The following HS6ST2 variants were observed in gnomAD, a reference collection of about 807,000 sequenced individuals.
The protein encoded by HS6ST2 is heparan sulfate 6-O-sulfotransferase 2.
HS6ST2 carries 17 observed loss-of-function variants against 33.0 expected under a neutral mutation model. The ratio of observed to expected loss-of-function variants is 0.52; its 90% confidence interval spans 0.35 to 0.77. HS6ST2 has a LOEUF of 0.77. HS6ST2 is among the 30% of genes least tolerant of loss of function. The pLI is 0.01. For synonymous variants in HS6ST2, 248 were observed against 237.1 expected (o/e 1.05, Z -0.42); for missense variants, 519 against 551.7 (o/e 0.94, Z 0.59).
intron 2 of HS6ST2, among the ~76,000 whole-genome samples, chrX:132,859,216 T>C (rs766211115): frequency 3.6e-5 from 4 of 111,770 alleles, no homozygotes; most frequent in Non-Finnish European, 5.6e-5. Context: ...GCTACCCATG[T>C]AGCTATCTCC....
chrX:132,848,273 C>T (rs1174166396), intron 2 of HS6ST2, among the ~76,000 whole-genome samples: 2 of 112,060 alleles, frequency 1.8e-5, no homozygotes, highest in African/African-American at 3.2e-5. Flanking sequence ...TAAGGAAGCA[C>T]CATCCAACCT....
rs1261438823 is a variant in HS6ST2, at chrX:132,958,551, C to T, written c.52G>A (p.Glu18Lys). 3.4e-6 allele frequency: 4 copies of T among 1,182,910 alleles called. No individual in the cohort carries two copies. Among genetic ancestry groups the T allele is most frequent in the Non-Finnish European group, 4.5e-6 (4 of 881,118 alleles). Residue 18 changes from glutamate to lysine, a missense_variant, in exon 1 of 5, where the codon GAG becomes AAG. Transcript: ENST00000370833. ...VREFEPPRQP[E>K]RGAPVRTTCP... ...GTGGTGCGGACGGGCGCTCCTCGCT[C>T]CGGTTGCCGCGGCGGCTCGAACTCC... is the stretch of plus-strand genomic sequence containing the variant.
intron 2 of HS6ST2, among the ~76,000 whole-genome samples, chrX:132,938,000 A>G (rs1320341952): frequency 9.3e-6 from 1 of 107,412 alleles, no homozygotes; most frequent in Non-Finnish European, 1.9e-5. Flanking sequence ...CATCTCTACA[A>G]TAAAAAATAA....
intron 3 of HS6ST2, among the ~76,000 whole-genome samples, chrX:132,693,286 G>A (rs1331831573): frequency 8.9e-6 from 1 of 112,199 alleles, no homozygotes; most frequent in Non-Finnish European, 1.9e-5. Context: ...TACTAGAAAT[G>A]GGATCAGAGT....
chrX:132,637,583 A>G (rs1175746302), intron 4 of HS6ST2, among the ~76,000 whole-genome samples: 1 of 104,349 alleles, frequency 9.6e-6, no homozygotes, highest in Non-Finnish European at 1.9e-5. Context: ...AATATCAAAG[A>G]CATTTTTTAA....
In HS6ST2 at chrX:132,957,341, A is replaced by T. The variant is rs2067091537; in HGVS notation, c.429-15T>A. On this transcript the variant is annotated splice_polypyrimidine_tract_variant and intron_variant, in intron 1 of 4. Transcript: ENST00000370833. ...TGTTCCCGACGCTGGGGGAAACCCA[A>T]GCTCGTTACGTCAATCCCGCAGCTC... 1 of 1,147,121 alleles carries T rather than the reference A, an allele frequency of 8.7e-7. No individual in the cohort carries two copies. Among genetic ancestry groups the T allele is most frequent in the South Asian group, 2.1e-5 (1 of 46,977 alleles). 94.5% of individuals were successfully genotyped at this position (1,147,121 alleles called of 1,213,427 possible).
At chrX:132,702,734 G>A (rs1191544475) in intron 3 of HS6ST2, among the ~76,000 whole-genome samples, 1 of 111,286 alleles carries the variant, frequency 9.0e-6, no homozygotes, top group Non-Finnish European at 1.9e-5. Flanking sequence ...ATTTCTTCAT[G>A]GCACTTACCA....
chrX:132,925,691 G>A (rs2066702693), intron 2 of HS6ST2, among the ~76,000 whole-genome samples: 1 of 111,130 alleles, frequency 9.0e-6, no homozygotes, highest in African/African-American at 3.3e-5. Context: ...TTATTAGGTG[G>A]GCATGAATTA....
At chrX:132,794,574 G>GATGATGATGATTATTATTATT (rs916088563) in intron 2 of HS6ST2, among the ~76,000 whole-genome samples, 22 of 99,068 alleles carry the variant, frequency 2.2e-4, no homozygotes, top group Middle Eastern at 9.8e-3. Context: ...TGATGATGAT[G>GATGATGATGATTATTATTATT]ATTATTATTA....
At chrX:132,879,721 T>C (rs1026614142) in intron 2 of HS6ST2, among the ~76,000 whole-genome samples, 5 of 112,019 alleles carry the variant, frequency 4.5e-5, no homozygotes, top group Non-Finnish European at 9.4e-5. Context: ...TACATACCAA[T>C]TGAATGCCTT....
chrX:132,746,130 T>C (rs2064638668), intron 2 of HS6ST2, among the ~76,000 whole-genome samples: 1 of 111,375 alleles, frequency 9.0e-6, no homozygotes, highest in Non-Finnish European at 1.9e-5. Context: ...GGGAATATCT[T>C]TGCATGTAAA....
rs202179309 is a variant in HS6ST2 at position 132,958,451 on chromosome X, C to A, written c.152G>T (p.Arg51Leu). The change falls in exon 1 of 5, where the codon CGC becomes CTC. Residue 51 changes from arginine (R) to leucine (L), a missense_variant. Arg to Leu is a moderately radical substitution (Grantham distance 102, BLOSUM62 -2). Transcript: ENST00000370833. The part of the protein sequence containing the change: ...SRPGSVAASV[R>L]AGPPRGVSHG... ...AGACACACCCCTAGGAGGGCCCGCG[C>A]GAACTGAGGCGGCGACCGACCCGGG... The A allele has an allele frequency of 2.5e-3, 3,012 of 1,197,403 alleles. 23 individuals carry two copies. Among genetic ancestry groups the A allele is most frequent in the Admixed American group, 0.025 (1,112 of 45,103 alleles).
chrX:132,732,387 C>T (rs922810885), intron 2 of HS6ST2, among the ~76,000 whole-genome samples: 5 of 111,733 alleles, frequency 4.5e-5, no homozygotes, highest in African/African-American at 1.6e-4. Context: ...GACTTAGTTT[C>T]GTTAGGCATA....
At chrX:132,654,853 C>T (rs1022229816) in intron 4 of HS6ST2, among the ~76,000 whole-genome samples, 4 of 111,897 alleles carry the variant, frequency 3.6e-5, no homozygotes, top group Admixed American at 1.9e-4. Flanking sequence ...CCTCAAGGAG[C>T]CACAGCCAGA....
intron 2 of HS6ST2, among the ~76,000 whole-genome samples, chrX:132,791,412 T>C (rs902547528): frequency 1.8e-5 from 2 of 112,078 alleles, no homozygotes; most frequent in Non-Finnish European, 3.8e-5. Flanking sequence ...CTTTCCAGCA[T>C]GGACCTCCAG....
chrX:132,899,573 T>TA (rs2066408879), intron 2 of HS6ST2, among the ~76,000 whole-genome samples: 1 of 110,569 alleles, frequency 9.0e-6, no homozygotes, highest in Non-Finnish European at 1.9e-5. Context: ...GACACAGCAA[T>TA]AGAAACTGGT....
chrX:132,795,176 C>T (rs1282758571), intron 2 of HS6ST2, among the ~76,000 whole-genome samples: 1 of 111,624 alleles, frequency 9.0e-6, no homozygotes, highest in African/African-American at 3.3e-5. Flanking sequence ...GAAGTCTTTC[C>T]CCCATCACCT....
At chrX:132,876,664 G>C (rs1048746504) in intron 2 of HS6ST2, among the ~76,000 whole-genome samples, 4 of 110,461 alleles carry the variant, frequency 3.6e-5, no homozygotes, top group African/African-American at 9.9e-5. Flanking sequence ...TGGTGGGAGG[G>C]GGGTGAGAGA....
intron 2 of HS6ST2, among the ~76,000 whole-genome samples, chrX:132,950,184 G>C (rs191120105): frequency 1.9e-3 from 212 of 111,412 alleles, no homozygotes; most frequent in Non-Finnish European, 2.1e-3. Flanking sequence ...TTTGTTTTCT[G>C]TCTATCTTTC....
Sources: gnomAD v4.1 joint callset for allele counts (sites outside exome capture counted in the v4.1 genomes callset) on GRCh38, gnomAD v4.1.1 for gene constraint, MANE v1.5 for transcripts, NCBI Gene and HGNC (gene_info 2026-07-23, HGNC 2026-07-21) for gene names.